DISP3: variants seen among roughly 807,000 people sequenced by gnomAD.
DISP3 encodes dispatched RND transporter family member 3.
In DISP3, 101 loss-of-function variants were observed where a neutral mutation model predicts 135.3. That is an observed-to-expected ratio of 0.75 (90% CI 0.64 to 0.88). The LOEUF is 0.88. DISP3 is among the 40% of genes least tolerant of loss of function. The pLI, the probability that DISP3 is intolerant of heterozygous loss-of-function variation, is 0.00. For synonymous variants in DISP3, 856 were observed against 817.0 expected (o/e 1.05, Z -0.81); for missense variants, 1,713 against 1,878.6 (o/e 0.91, Z 1.63).
At chr1:11,488,161 G>A (rs1275888036) in intron 1 of DISP3, among the ~76,000 whole-genome samples, 1 of 152,194 alleles carries the variant, frequency 6.6e-6, no homozygotes, top group South Asian at 2.1e-4. Flanking sequence ...CTGGGGCCCT[G>A]AGCCTCCCAA....
chr1:11,533,749 G>A (rs760204532), intron 17 of DISP3: 37 of 717,092 alleles, frequency 5.2e-5, no homozygotes, highest in African/African-American at 3.0e-4. Context: ...ACACACACAC[G>A]CAGACCTACT....
At chr1:11,511,356 A>G (rs775021928) in intron 3 of DISP3, among the ~76,000 whole-genome samples, 15 of 152,222 alleles carry the variant, frequency 9.9e-5, no homozygotes, top group Non-Finnish European at 5.9e-5. Flanking sequence ...CCTAGATACA[A>G]TGGGGGTACT....
At chr1:11,482,503 G>C (rs1399118366) in intron 1 of DISP3, among the ~76,000 whole-genome samples, 2 of 152,158 alleles carry the variant, frequency 1.3e-5, no homozygotes, top group Admixed American at 1.3e-4. Context: ...AGGAGGTGGT[G>C]TCCCTAAGGG....
At chr1:11,534,599 C>T (rs761519591) in intron 18 of DISP3, 59 bp downstream of exon 18, 79 of 1,550,138 alleles carry the variant, frequency 5.1e-5, no homozygotes, top group Middle Eastern at 3.7e-4. Flanking sequence ...GACCTGGGGC[C>T]GGGAGGGCAC....
rs997538171 is a variant in DISP3, at chr1:11,525,431, A to AC, written c.2613+125dup. ...GGGAGAAGCAGCTTTGAGGATGAAG[A>AC]CCCCCCTCCCCTAAACCAGCCATGT... On this transcript the variant is annotated intron_variant, in intron 12 of 20. Coordinates refer to ENST00000294484, the MANE Select transcript of DISP3 (RefSeq NM_020780.2). 14 of 1,224,512 alleles carry AC rather than the reference A, an allele frequency of 1.1e-5. No individual in the cohort carries two copies. In the African/African-American group the frequency reaches 1.7e-4, roughly 15 times the overall value. The allele number at this position is 1,224,512 out of a possible 1,614,324, so 75.9% of individuals were successfully genotyped here.
At position 11,519,330 on chromosome 1, in the gene DISP3, C is replaced by A. The variant is rs1410161347; in HGVS notation, c.1890-25C>A. On this transcript the variant is annotated intron_variant, in intron 7 of 20. Transcript: ENST00000294484. This position sits in a 1 kb window ranked among gnomAD's most constrained non-coding sequence, Gnocchi z 4.3. ...TGGGTACCCAGGACCCTCTGGTTCACCCCTGTCCCCTACTCTCTCCACAGC... is the reference window on the plus strand; with the variant it reads ...TGGGTACCCAGGACCCTCTGGTTCAACCCTGTCCCCTACTCTCTCCACAGC... 3.1e-6 allele frequency: 5 copies of A among 1,610,920 alleles called. No homozygotes were observed. Among genetic ancestry groups the A allele is most frequent in the South Asian group, 1.1e-5 (1 of 90,832 alleles).
rs1206076545 is a variant in DISP3 at position 11,516,700 on chromosome 1, G to C, written c.1749+539G>C. On this transcript the variant is annotated intron_variant, in intron 6 of 20. Transcript: ENST00000294484. This position sits in a 1 kb window ranked among gnomAD's most constrained non-coding sequence, Gnocchi z 5.1. Reference sequence around the variant, plus strand: ...GAGCCCAGGCTGGGTCCTTGGTACAGAAAGACAGTGAATTGGCCCAAGTCT... The same window carrying C: ...GAGCCCAGGCTGGGTCCTTGGTACACAAAGACAGTGAATTGGCCCAAGTCT... Among the ~76,000 whole-genome samples, 1 of 152,198 alleles carries C rather than the reference G, an allele frequency of 6.6e-6. No homozygotes were observed. The highest frequency in any genetic ancestry group is 1.5e-5 in the Non-Finnish European group (1 of 68,036).
rs779406722 is a variant in DISP3 at position 11,514,409 on chromosome 1, G to C, written c.1336G>C (p.Gly446Arg). Reference sequence around the variant, plus strand: ...CCCCAGCAAAGTCCAGGTTCTCTATGGGGGGACAGACCTGTTTGACTATGA... The same window carrying C: ...CCCCAGCAAAGTCCAGGTTCTCTATCGGGGGACAGACCTGTTTGACTATGA... ...QSTSKVQVLY[G>R]GTDLFDYEVR... The change falls in exon 4 of 21, where the codon GGG becomes CGG. Residue 446 changes from glycine to arginine, a missense_variant. Physicochemically the swap from Gly to Arg is moderately radical, Grantham distance 125. Around this residue, in one of 2 missense-constraint regions of DISP3, gnomAD observed 1,142 missense variants for 1,384.6 expected, o/e 0.82. Transcript: ENST00000294484. 6 of 1,612,712 alleles carry C rather than the reference G, an allele frequency of 3.7e-6. No homozygotes were observed. In the Admixed American group the frequency reaches 5.0e-5, roughly 13 times the overall value.
At chr1:11,494,525 G>A (rs558090669) in intron 1 of DISP3, among the ~76,000 whole-genome samples, 1 of 152,234 alleles carries the variant, frequency 6.6e-6, no homozygotes, top group African/African-American at 2.4e-5. Context: ...CTCAGAAGAC[G>A]GAGTATCAGG....
chr1:11,527,270 TG>T (rs1275961647), intron 13 of DISP3, among the ~76,000 whole-genome samples: 1 of 149,342 alleles, frequency 6.7e-6, no homozygotes, highest in Non-Finnish European at 1.5e-5. Context: ...AAGAAACTGC[TG>T]GCCAGGTGCG....
Position 11,508,381 on chromosome 1 carries a change from G to A in DISP3, c.1316+5484G>A, listed in dbSNP as rs113185403. ...TGCAGTGAACTATGATTGGGCTACT[G>A]CACTGTAGCCTGGGTGGCAGAGCAA... On this transcript the variant is annotated intron_variant, in intron 3 of 20. Coordinates refer to ENST00000294484, the MANE Select transcript of DISP3 (RefSeq NM_020780.2). Among the ~76,000 whole-genome samples the A allele has an allele frequency of 1.7e-3, 253 of 151,986 alleles. 4 individuals are homozygous for A. In the South Asian group the frequency reaches 0.032, roughly 20 times the overall value.
chr1:11,515,622 C>A, intron 5 of DISP3, 119 bp downstream of exon 5: 1 of 1,404,036 alleles, frequency 7.1e-7, no homozygotes, highest in Non-Finnish European at 9.5e-7. Flanking sequence ...CCTGCTGAGG[C>A]CTAGAGCCTT....
intron 3 of DISP3, among the ~76,000 whole-genome samples, chr1:11,506,479 C>G (rs1204259351): frequency 1.3e-5 from 2 of 151,844 alleles, no homozygotes; most frequent in Non-Finnish European, 1.5e-5. Context: ...TTCTAATTCA[C>G]TGATCCTGCT....
chr1:11,515,373 C>T lies in DISP3; in HGVS notation c.1458C>T (p.Phe486=), dbSNP rs768304118. The T allele has an allele frequency of 6.2e-7, 1 of 1,614,206 alleles. No individual in the cohort carries two copies. The highest frequency in any genetic ancestry group is 8.5e-7 in the Non-Finnish European group (1 of 1,180,014). The change falls in exon 5 of 21, where the codon TTC becomes TTT. Residue 486 remains phenylalanine (F), a synonymous_variant. Transcript: ENST00000294484. ...TGTGTCTCTTACCCTGCCCAGTGTT[C>T]CTGTCCTTCTTTGGGATTGCCAGCA... ...LVYILTSCSV[F]LSFFGIASIG...
rs772474596 is a variant in DISP3 at position 11,531,079 on chromosome 1, G to C, written c.3229+46G>C. On this transcript the variant is annotated intron_variant, in intron 16 of 20. Transcript: ENST00000294484. This position sits in a 1 kb window ranked among gnomAD's most constrained non-coding sequence, Gnocchi z 5.2. ...TGGTTCCTCCGAGGGAGGATGGACT[G>C]ACTGGGGAGGCACAGAGGCCGTGGT... 6.2e-7 allele frequency: 1 copy of C among 1,606,788 alleles called. No homozygotes were observed. The highest frequency in any genetic ancestry group is 1.3e-5 in the African/African-American group (1 of 74,860).
chr1:11,490,872 C>G (rs1641165035), intron 1 of DISP3, among the ~76,000 whole-genome samples: 1 of 152,192 alleles, frequency 6.6e-6, no homozygotes, highest in Non-Finnish European at 1.5e-5. Flanking sequence ...CTCCCATGTG[C>G]CAGACACACA....
In DISP3 at chr1:11,501,810, G is replaced by C. The variant is rs374863210; in HGVS notation, c.818G>C (p.Trp273Ser). ...GCCAACACTCAGACGCACGCGCACT[G>C]GCGCATCGAGCTCATCTTCCTGGCG... ...VSANTQTHAH[W>S]RIELIFLARG... is the part of the protein sequence containing the mutation. The change falls in exon 2 of 21, where the codon TGG becomes TCG. Residue 273 changes from tryptophan to serine, a missense_variant. By Grantham distance (177) the Trp-to-Ser change is radical (BLOSUM62 -3). Transcript: ENST00000294484. This position sits in a 1 kb window ranked among gnomAD's most constrained non-coding sequence, Gnocchi z 4.9. The C allele has an allele frequency of 7.5e-6, 12 of 1,608,462 alleles. No homozygotes were observed. In the African/African-American group the frequency reaches 1.6e-4, roughly 21 times the overall value.
At chr1:11,509,079 C>A (rs1641785089) in intron 3 of DISP3, among the ~76,000 whole-genome samples, 1 of 152,080 alleles carries the variant, frequency 6.6e-6, no homozygotes. Flanking sequence ...TAGCACATTT[C>A]AAAATTTTGA....
In DISP3 at chr1:11,536,428, C is replaced by A. The variant is rs1642707540; in HGVS notation, c.3921C>A (p.Leu1307=). The A allele has an allele frequency of 6.2e-7, 1 of 1,613,378 alleles. No homozygotes were observed. Among genetic ancestry groups the A allele is most frequent in the Admixed American group, 1.7e-5 (1 of 60,036 alleles). Residue 1307 remains leucine (L), a synonymous_variant, in exon 21 of 21, where the codon CTC becomes CTA. Transcript: ENST00000294484. This position sits in a 1 kb window ranked among gnomAD's most constrained non-coding sequence, Gnocchi z 4.3. ...CCACGGTCATCGCCACAGTGCCCCTCTTCTTCTGCATCATCGCCCCATTTG... is the reference window on the plus strand; with the variant it reads ...CCACGGTCATCGCCACAGTGCCCCTATTCTTCTGCATCATCGCCCCATTTG... ...ALTTVIATVP[L]FFCIIAPFAK... is the part of the protein sequence containing the mutation.
Sources: gnomAD v4.1 joint callset for allele counts (sites outside exome capture counted in the v4.1 genomes callset) on GRCh38, gnomAD v4.1.1 for gene constraint, gnomAD v4.1.1 regional missense constraint, Gnocchi (gnomAD v3.1) non-coding constraint, MANE v1.5 for transcripts, NCBI Gene and HGNC (gene_info 2026-07-23, HGNC 2026-07-21) for gene names.